Variants in PINX1 observed in about 807,000 individuals in gnomAD.
PINX1 encodes the protein PIN2/TERF1-interacting telomerase inhibitor 1.
A neutral mutation model predicts 25.4 loss-of-function variants in PINX1; 34 were observed. The observed-to-expected ratio is 1.34, with a 90% confidence interval of 1.02 to 1.78. The LOEUF (loss-of-function observed/expected upper bound fraction) is 1.78. PINX1 is among the 40% of genes most tolerant of loss of function. PINX1 has a pLI of 0.00. For missense variants in PINX1, 592 were observed against 404.9 expected (o/e 1.46, Z -3.97); for synonymous variants, 197 against 147.7 (o/e 1.33, Z -2.42).
At chr8:10,815,146 T>TG (rs989690959) in intron 6 of PINX1, among the ~76,000 whole-genome samples, 27 of 152,150 alleles carry the variant, frequency 1.8e-4, no homozygotes, top group Admixed American at 1.2e-3. Context: ...CTCACTATGT[T>TG]GCCCAGGCTG....
At chr8:10,833,210 G>A (rs1424318011) in intron 2 of PINX1, among the ~76,000 whole-genome samples, 6 of 152,206 alleles carry the variant, frequency 3.9e-5, no homozygotes, top group East Asian at 1.9e-4. Flanking sequence ...GCAAAGACCC[G>A]AAGGTGGGAA....
chr8:10,820,307 C>G, intron 5 of PINX1, 38 bp from the exon 6 acceptor site: 1 of 1,437,594 alleles, frequency 7.0e-7, no homozygotes, highest in Non-Finnish European at 9.8e-7. Context: ...TAAGACTGTT[C>G]TTCCTAAAAG....
chr8:10,825,882 A>C (rs1265966025), intron 5 of PINX1, among the ~76,000 whole-genome samples: 1 of 152,242 alleles, frequency 6.6e-6, no homozygotes, highest in Non-Finnish European at 1.5e-5. Flanking sequence ...CTCTAAATAT[A>C]AGCTGATTCC....
In PINX1 at chr8:10,784,342, A is replaced by T. The variant is rs80341906; in HGVS notation, c.472-18426T>A. Among the ~76,000 whole-genome samples, 287 of 152,384 alleles carry T rather than the reference A, an allele frequency of 1.9e-3. 6 individuals carry two copies. In the East Asian group the frequency reaches 0.051, roughly 27 times the overall value. Reference sequence around the variant, plus strand: ...AGGATCACAAAGTAAGCAGGCACACAAATCCAATCTAAAACTTTTAACAAT... The same window carrying T: ...AGGATCACAAAGTAAGCAGGCACACTAATCCAATCTAAAACTTTTAACAAT... On this transcript the variant is annotated intron_variant, in intron 6 of 6. Transcript: ENST00000314787.
At chr8:10,769,238 G>C (rs960095649) in intron 6 of PINX1, among the ~76,000 whole-genome samples, 15 of 152,028 alleles carry the variant, frequency 9.9e-5, no homozygotes, top group African/African-American at 3.4e-4. Context: ...GCTAAAGGAG[G>C]TTTTTGCCAC....
At chr8:10,800,669 C>A (rs1802238018) in intron 6 of PINX1, among the ~76,000 whole-genome samples, 1 of 152,112 alleles carries the variant, frequency 6.6e-6, no homozygotes, top group African/African-American at 2.4e-5. Flanking sequence ...GGGGTTTCAC[C>A]ACATTGGCCA....
At chr8:10,813,957 T>C (rs1484034424) in intron 6 of PINX1, among the ~76,000 whole-genome samples, 1 of 150,522 alleles carries the variant, frequency 6.6e-6, no homozygotes, top group Non-Finnish European at 1.5e-5. Context: ...TAGGAACTGA[T>C]GGAATTTGTT....
intron 4 of PINX1, among the ~76,000 whole-genome samples, chr8:10,829,208 C>A (rs560603468): frequency 6.8e-6 from 1 of 147,838 alleles, no homozygotes. Context: ...ATCGCTTGAA[C>A]CCGGGAGGCG....
At chr8:10,827,580 T>G (rs1798092826) in intron 4 of PINX1, among the ~76,000 whole-genome samples, 1 of 151,788 alleles carries the variant, frequency 6.6e-6, no homozygotes. Flanking sequence ...TTCCTACAGT[T>G]TTAAGAACAT....
At chr8:10,776,149 G>A (rs1801386229) in intron 6 of PINX1, among the ~76,000 whole-genome samples, 1 of 152,174 alleles carries the variant, frequency 6.6e-6, no homozygotes, top group South Asian at 2.1e-4. Flanking sequence ...TCTTGGGCTG[G>A]GGGCGCTGGC....
Position 10,839,859 on chromosome 8 carries a change from G to C in PINX1, c.-103C>G, listed in dbSNP as rs1394780731. 17 of 1,165,572 alleles carry C rather than the reference G, an allele frequency of 1.5e-5. No homozygotes were observed. Among genetic ancestry groups the C allele is most frequent in the East Asian group, 2.8e-5 (1 of 35,812 alleles). The allele number at this position is 1,165,572 out of a possible 1,614,324, so 72.2% of individuals were successfully genotyped here. A position where few individuals can be genotyped will look rare whatever the true frequency, so the allele number is the denominator to read the frequency against. ...TCAGGACGTGCGTAACTCCCTCGCCGGCGGACTGCAGCGGACGGGGCGCGT... is the reference window on the plus strand; with the variant it reads ...TCAGGACGTGCGTAACTCCCTCGCCCGCGGACTGCAGCGGACGGGGCGCGT... On this transcript the variant is annotated 5_prime_UTR_variant, in exon 1 of 7. Coordinates refer to ENST00000314787, the MANE Select transcript of PINX1 (RefSeq NM_017884.6).
chr8:10,824,833 C>G (rs1455080050), intron 5 of PINX1, among the ~76,000 whole-genome samples: 4 of 152,218 alleles, frequency 2.6e-5, no homozygotes, highest in Non-Finnish European at 2.9e-5. Context: ...TCTAGTTTTT[C>G]TCTACAGTCT....
chr8:10,767,172 C>G (rs1211267672), intron 6 of PINX1, among the ~76,000 whole-genome samples: 2 of 152,272 alleles, frequency 1.3e-5, no homozygotes, highest in African/African-American at 4.8e-5. Context: ...AATCAGGATT[C>G]TACTAATGAT....
chr8:10,781,225 A>G (rs1801575870), intron 6 of PINX1, among the ~76,000 whole-genome samples: 1 of 152,180 alleles, frequency 6.6e-6, no homozygotes, highest in Non-Finnish European at 1.5e-5. Flanking sequence ...ACCTAAACAT[A>G]AGACCTAAAA....
At chr8:10,800,346 AATG>A (rs1419163003) in intron 6 of PINX1, among the ~76,000 whole-genome samples, 1 of 152,216 alleles carries the variant, frequency 6.6e-6, no homozygotes, top group African/African-American at 2.4e-5. Flanking sequence ...AAATAATGTC[AATG>A]ATAATTATTT....
At chr8:10,769,032 A>G (rs1220181725) in intron 6 of PINX1, among the ~76,000 whole-genome samples, 4 of 152,272 alleles carry the variant, frequency 2.6e-5, no homozygotes, top group Non-Finnish European at 5.9e-5. Context: ...TCACTGCTTC[A>G]TAAACGTTGA....
At chr8:10,807,945 A>G in intron 6 of PINX1, among the ~76,000 whole-genome samples, 1 of 152,214 alleles carries the variant, frequency 6.6e-6, no homozygotes. Context: ...CAGCTGACAG[A>G]TGATCTGATG....
Position 10,812,989 on chromosome 8 carries a change from C to T in PINX1, c.471+7204G>A, listed in dbSNP as rs74836904. Among the ~76,000 whole-genome samples, 732 of 152,348 alleles carry T rather than the reference C, an allele frequency of 4.8e-3. 3 individuals carry two copies. The highest frequency in any genetic ancestry group is 0.017 in the African/African-American group (700 of 41,580). On this transcript the variant is annotated intron_variant, in intron 6 of 6. Coordinates refer to ENST00000314787, the MANE Select transcript of PINX1 (RefSeq NM_017884.6). ...AAATGACTGTACATATCTTCCTAAG[C>T]TTTCACCTTAAAGCAGTGAAAATGT... is the stretch of plus-strand genomic sequence containing the variant.
chr8:10,815,109 T>G (rs1289028631), intron 6 of PINX1, among the ~76,000 whole-genome samples: 2 of 152,090 alleles, frequency 1.3e-5, no homozygotes, highest in African/African-American at 4.8e-5. Context: ...CCTGGCTAAT[T>G]TTTTAAATTT....
Sources: gnomAD v4.1 joint callset for allele counts (sites outside exome capture counted in the v4.1 genomes callset) on GRCh38, gnomAD v4.1.1 for gene constraint, MANE v1.5 for transcripts, NCBI Gene and HGNC (gene_info 2026-07-23, HGNC 2026-07-21) for gene names.